GPBP1L1: variants seen among roughly 807,000 people sequenced by gnomAD.
GPBP1L1 encodes the protein vasculin-like protein 1.
A neutral mutation model predicts 52.5 loss-of-function variants in GPBP1L1; 23 were observed. That is an observed-to-expected ratio of 0.44 (90% confidence interval 0.32 to 0.62). The LOEUF (loss-of-function observed/expected upper bound fraction) is 0.62. Ranked by LOEUF, GPBP1L1 falls within the 20% of genes least tolerant of loss-of-function variation. The pLI is 0.06. For synonymous variants in GPBP1L1, 243 were observed against 203.1 expected, an observed-to-expected ratio of 1.20 and a Z score of -1.67; for missense variants, 596 against 579.3, an observed-to-expected ratio of 1.03 and a Z score of -0.30.
At chr1:45,669,388 G>A (rs193157876) in intron 2 of GPBP1L1, among the ~76,000 whole-genome samples, 493 of 152,248 alleles carry the variant, frequency 3.2e-3, no homozygotes, top group African/African-American at 0.011. Context: ...TGGCCTCAAG[G>A]GGCCCTTCTG....
intron 6 of GPBP1L1, chr1:45,645,762 TTTTTTG>T (rs1644735815): frequency 9.1e-6 from 3 of 330,050 alleles, no homozygotes; most frequent in African/African-American, 2.9e-5. Flanking sequence ...TATTCCGAAG[TTTTTTG>T]TTTTTTTTTT....
At chr1:45,633,705 TCTTCTA>T in intron 9 of GPBP1L1, 58 bp from the exon 10 acceptor site, 2 of 1,551,062 alleles carry the variant, frequency 1.3e-6, no homozygotes, top group Non-Finnish European at 1.8e-6. Flanking sequence ...ACTGGGGTTC[TCTTCTA>T]CTAAGTGCTG....
At chr1:45,670,652 TGTCCCAGAA>T (rs1645062953) in intron 2 of GPBP1L1, among the ~76,000 whole-genome samples, 1 of 151,988 alleles carries the variant, frequency 6.6e-6, no homozygotes, top group Non-Finnish European at 1.5e-5. Flanking sequence ...AAAAAAAAAC[TGTCCCAGAA>T]GTATTCTTTT....
In GPBP1L1 at chr1:45,633,624, T is replaced by C. The variant is rs1455600138; in HGVS notation, c.909A>G (p.Pro303=). The C allele has an allele frequency of 6.2e-7, 1 of 1,613,974 alleles. No homozygotes were observed. The highest frequency in any genetic ancestry group is 8.5e-7 in the Non-Finnish European group (1 of 1,179,988). ...PKESPSSTTP[P]IEISSSRLTK... The stretch of plus-strand genomic sequence containing the variant: ...TCAGACGAGAGGAGCTGATCTCAAT[T>C]GGAGGGGTGGTGCTGGAGGGACTCT... Residue 303 remains proline, a synonymous_variant, in exon 10 of 13, where the codon CCA becomes CCG. Transcript: ENST00000355105.
intron 2 of GPBP1L1, among the ~76,000 whole-genome samples, chr1:45,673,761 T>C (rs1398525897): frequency 6.6e-6 from 1 of 151,562 alleles, no homozygotes; most frequent in East Asian, 1.9e-4. Flanking sequence ...AGTCGGGAGG[T>C]TGAGGCAGAA....
intron 8 of GPBP1L1, chr1:45,635,098 T>C (rs556449963): frequency 1.5e-4 from 23 of 152,342 alleles, no homozygotes; most frequent in African/African-American, 4.6e-4. Flanking sequence ...TTAACTTTAC[T>C]ATCTACCATG....
chr1:45,634,153 G>C lies in GPBP1L1; in HGVS notation c.828C>G (p.Ile276Met). The change falls in exon 9 of 13, where the codon ATC becomes ATG. Residue 276 changes from isoleucine to methionine, a missense_variant. Transcript: ENST00000355105. Reference sequence around the variant, plus strand: ...CCAGTACCACTGGTTTGGTAACAGAGATTGGACTGGTAAAAGCAGACTCCC... The same window carrying C: ...CCAGTACCACTGGTTTGGTAACAGACATTGGACTGGTAAAAGCAGACTCCC... ...SSRESAFTSP[I>M]SVTKPVVLAS... 1 of 1,614,126 alleles carries C rather than the reference G, an allele frequency of 6.2e-7. No individual in the cohort carries two copies.
intron 7 of GPBP1L1, among the ~76,000 whole-genome samples, chr1:45,641,011 A>G (rs925003318): frequency 5.3e-5 from 8 of 151,976 alleles, no homozygotes; most frequent in Admixed American, 1.3e-4. Flanking sequence ...TCAGACCCTA[A>G]CTCAAAAAAA....
chr1:45,632,940 G>A (rs1644548871), intron 10 of GPBP1L1, among the ~76,000 whole-genome samples: 1 of 152,208 alleles, frequency 6.6e-6, no homozygotes, highest in South Asian at 2.1e-4. Context: ...CACATGATAT[G>A]TCATCATGGA....
intron 2 of GPBP1L1, among the ~76,000 whole-genome samples, chr1:45,669,332 T>C (rs980762612): frequency 6.6e-6 from 1 of 152,194 alleles, no homozygotes; most frequent in African/African-American, 2.4e-5. Context: ...ACAGTGGTGC[T>C]AGAGATGGAG....
chr1:45,657,758 C>T (rs1033504333), intron 4 of GPBP1L1, among the ~76,000 whole-genome samples: 25 of 152,164 alleles, frequency 1.6e-4, no homozygotes, highest in African/African-American at 5.5e-4. Context: ...GAGACTAGGG[C>T]GAGAGGATTG....
chr1:45,640,820 G>C (rs964331461), intron 7 of GPBP1L1, among the ~76,000 whole-genome samples: 2 of 152,022 alleles, frequency 1.3e-5, no homozygotes, highest in African/African-American at 4.8e-5. Flanking sequence ...GACCAGCCTG[G>C]GCTGGCAAAC....
At chr1:45,665,340 A>G (rs1330668733) in intron 2 of GPBP1L1, among the ~76,000 whole-genome samples, 1 of 152,186 alleles carries the variant, frequency 6.6e-6, no homozygotes, top group African/African-American at 2.4e-5. Flanking sequence ...GATGTCAAGC[A>G]TGTGCTCTGG....
chr1:45,651,200 CCAAGTTAACCTGTGTGAAGG>C (rs1644815199), intron 6 of GPBP1L1: 1 of 457,068 alleles, frequency 2.2e-6, no homozygotes, highest in Non-Finnish European at 4.3e-6. Flanking sequence ...CCTTTGTCTT[CCAAGTTAACCTGTGTGAAGG>C]CAACCAGTGG....
Position 45,628,208 on chromosome 1 carries a change from AACAC to A in GPBP1L1, c.*44_*47del, listed in dbSNP as rs1476289092. ...AACGATTTCTTTTGTATACTCCCTA[AACAC>A]ACAGAGTTTACTGGGTCAGATTTAA... On this transcript the variant is annotated 3_prime_UTR_variant, in exon 13 of 13. Coordinates refer to ENST00000355105, the MANE Select transcript of GPBP1L1 (RefSeq NM_021639.5). 1 of 1,573,474 alleles carries A rather than the reference AACAC, an allele frequency of 6.4e-7. No individual in the cohort carries two copies. Among genetic ancestry groups the A allele is most frequent in the South Asian group, 1.1e-5 (1 of 90,042 alleles).
rs1644519555 is a variant in GPBP1L1 at position 45,630,726 on chromosome 1, A to C, written c.1045-120T>G. 1.1e-5 allele frequency: 12 copies of C among 1,142,148 alleles called. No individual in the cohort carries two copies. In the South Asian group the frequency reaches 1.9e-4, roughly 18 times the overall value. The allele number at this position is 1,142,148 out of a possible 1,614,324, so 70.8% of individuals were successfully genotyped here. ...GTTTTCCAAAAGACAGCCTCAGCCC[A>C]CAGATTTTTTTCCCCATTTACAAAT... On this transcript the variant is annotated intron_variant, in intron 10 of 12. Transcript: ENST00000355105.
intron 8 of GPBP1L1, among the ~76,000 whole-genome samples, chr1:45,639,729 C>A (rs4660879): frequency 0.32 from 47,992 of 151,290 alleles, 7,733 homozygotes; most frequent in Middle Eastern, 0.38. Context: ...TACAAAAAAA[C>A]ACCGAGCCGG....
At position 45,630,498 on chromosome 1, in the gene GPBP1L1, G is replaced by A. The variant is rs759682858; in HGVS notation, c.1153C>T (p.Leu385=). ...CTCACTTACCTGTGCTCTGCTTCTA[G>A]AGAGTGTGAGAGAACCTCCCCTTCT... ...VEEGEVLSHS[L]EAEHRLLKAM... Residue 385 remains leucine, a synonymous_variant, in exon 11 of 13, where the codon CTA becomes TTA. Transcript: ENST00000355105. The A allele has an allele frequency of 6.2e-7, 1 of 1,613,954 alleles. No homozygotes were observed. The highest frequency in any genetic ancestry group is 1.3e-5 in the African/African-American group (1 of 75,048).
intron 2 of GPBP1L1, among the ~76,000 whole-genome samples, chr1:45,679,916 G>C (rs1168951096): frequency 7.9e-6 from 1 of 126,540 alleles, no homozygotes; most frequent in Non-Finnish European, 1.6e-5. Context: ...AAAAAAATTA[G>C]CCAGGCATGC....
Sources: allele counts gnomAD v4.1 joint callset (sites outside exome capture counted in the v4.1 genomes callset), GRCh38; gene constraint gnomAD v4.1.1; transcripts MANE v1.5; gene names NCBI Gene and HGNC (gene_info 2026-07-23, HGNC 2026-07-21).